The following SASH1 variants were observed in gnomAD, a reference collection of about 807,000 sequenced individuals.
The protein encoded by SASH1 is SAM and SH3 domain containing 1, also known as SAM and SH3 domain-containing protein 1.
In SASH1, 44 loss-of-function variants were observed where a neutral mutation model predicts 125.2. That is an observed-to-expected ratio of 0.35 (90% confidence interval 0.28 to 0.45). The LOEUF is 0.45. Among genes scored for constraint, SASH1 ranks in the 20% least tolerant of loss-of-function variants. The probability of loss-of-function intolerance (pLI) is 1.00; values close to 1 mark genes in which losing one functional copy is unlikely to be tolerated. For missense variants in SASH1, 1,426 were observed against 1,614.5 expected (o/e 0.88, Z 2.00); for synonymous variants, 639 against 649.1 (o/e 0.98, Z 0.24).
upstream of SASH1, among the ~76,000 whole-genome samples, chr6:148,271,158 C>T (rs1187921644): frequency 6.6e-6 from 1 of 152,102 alleles, no homozygotes; most frequent in Non-Finnish European, 1.5e-5. Context: ...GATCCACCTG[C>T]CTTGGCTTCC....
At chr6:148,315,540 T>A (rs1311189328) in intron 1 of SASH1, among the ~76,000 whole-genome samples, 1 of 152,196 alleles carries the variant, frequency 6.6e-6, no homozygotes. Flanking sequence ...CAGTTTTATA[T>A]AAATTCAAAC....
chr6:148,346,474 G>T lies in SASH1; in HGVS notation c.156+3251G>T, dbSNP rs114961023. Among the ~76,000 whole-genome samples the T allele has an allele frequency of 6.1e-3, 789 of 128,790 alleles. 9 individuals are homozygous for T. The highest frequency in any genetic ancestry group is 0.023 in the African/African-American group (740 of 32,610). 84.5% of individuals were successfully genotyped at this position (128,790 alleles called of 152,430 possible). Reference sequence around the variant, plus strand: ...TATATAAATGGATATAGAATTAAGAGAAAACAAGCTTGCAAAAAAAAAAAA... The same window carrying T: ...TATATAAATGGATATAGAATTAAGATAAAACAAGCTTGCAAAAAAAAAAAA... On this transcript the variant is annotated intron_variant, in intron 1 of 19. Transcript: ENST00000367467.
chr6:148,392,868 T>A (rs1783786330), intron 2 of SASH1, among the ~76,000 whole-genome samples: 1 of 152,156 alleles, frequency 6.6e-6, no homozygotes, highest in Admixed American at 6.5e-5. Context: ...CTGGGGTTAT[T>A]TCCTCCTTTT....
chr6:148,196,142 T>C, the SASH1 span, among the ~76,000 whole-genome samples: 1 of 152,230 alleles, frequency 6.6e-6, no homozygotes, highest in African/African-American at 2.4e-5. Context: ...TTTTTTGCTC[T>C]TAGTGCATCT....
At chr6:148,332,900 TC>T (rs1323898324) in intron 1 of SASH1, among the ~76,000 whole-genome samples, 1 of 152,028 alleles carries the variant, frequency 6.6e-6, no homozygotes, top group Non-Finnish European at 1.5e-5. Context: ...GGCAGGAGAA[TC>T]CCTTGAACCC....
chr6:148,357,385 A>G (rs1376832505), intron 1 of SASH1, among the ~76,000 whole-genome samples: 1 of 152,214 alleles, frequency 6.6e-6, no homozygotes, highest in Non-Finnish European at 1.5e-5. Flanking sequence ...CAGGTAAAAT[A>G]CTGAGCTTAT....
chr6:148,459,349 T>C (rs1170072718), intron 4 of SASH1, among the ~76,000 whole-genome samples: 2 of 152,188 alleles, frequency 1.3e-5, no homozygotes, highest in Admixed American at 1.3e-4. Context: ...ACTTGGATAG[T>C]CCTGGCCTTA....
the SASH1 span, among the ~76,000 whole-genome samples, chr6:148,208,123 C>T: frequency 6.6e-6 from 1 of 152,190 alleles, no homozygotes. Context: ...CCAGCCTCTT[C>T]TGGGAGACCA....
chr6:148,415,564 G>A (rs1240746938), intron 2 of SASH1, among the ~76,000 whole-genome samples: 3 of 152,208 alleles, frequency 2.0e-5, no homozygotes. Flanking sequence ...GTTTGACTAA[G>A]TAACTTGGTA....
rs35856337 is a variant in SASH1 at position 148,408,140 on chromosome 6, C to CTTT, written c.285+17896_285+17898dup. On this transcript the variant is annotated intron_variant, in intron 2 of 19. Transcript: ENST00000367467. ...ATGTTAGTGATGTTGGGCATCTTTC[C>CTTT]TTTTTTTTTTTTTTTTTTTTGAGAC... Among the ~76,000 whole-genome samples, 204 of 119,222 alleles carry CTTT rather than the reference C, an allele frequency of 1.7e-3. 5 individuals carry two copies. The highest frequency in any genetic ancestry group is 4.6e-3 in the African/African-American group (142 of 31,122). 78.2% of individuals were successfully genotyped at this position (119,222 alleles called of 152,430 possible).
chr6:148,496,453 C>G (rs1779314418), intron 8 of SASH1, among the ~76,000 whole-genome samples: 1 of 152,154 alleles, frequency 6.6e-6, no homozygotes, highest in African/African-American at 2.4e-5. Context: ...AAAGAAGAAA[C>G]AAAACATAGC....
the SASH1 span, among the ~76,000 whole-genome samples, chr6:148,195,706 G>T: frequency 6.6e-6 from 1 of 152,188 alleles, no homozygotes; most frequent in Non-Finnish European, 1.5e-5. Flanking sequence ...GGAGCTGGTG[G>T]CAACTCATTA....
chr6:148,513,265 A>G, intron 8 of SASH1: 1 of 985,324 alleles, frequency 1.0e-6, no homozygotes, highest in African/African-American at 1.7e-5. Context: ...CTGTTCCATG[A>G]ACTGGGTTGG....
At chr6:148,241,726 C>T in the SASH1 span, among the ~76,000 whole-genome samples, 1 of 152,194 alleles carries the variant, frequency 6.6e-6, no homozygotes, top group Non-Finnish European at 1.5e-5. Context: ...GTTCAAATCT[C>T]TGTTCTGACA....
intron 2 of SASH1, among the ~76,000 whole-genome samples, chr6:148,397,915 G>A (rs190139659): frequency 6.6e-6 from 1 of 152,298 alleles, no homozygotes; most frequent in African/African-American, 2.4e-5. Flanking sequence ...GGGGTGTGAG[G>A]CAAGTAACAT....
intron 1 of SASH1, among the ~76,000 whole-genome samples, chr6:148,330,821 G>A (rs1780974734): frequency 6.6e-6 from 1 of 152,078 alleles, no homozygotes; most frequent in East Asian, 1.9e-4. Flanking sequence ...CCTGACCTCA[G>A]GTGATCTGCC....
At chr6:148,236,636 A>G in the SASH1 span, among the ~76,000 whole-genome samples, 1 of 152,170 alleles carries the variant, frequency 6.6e-6, no homozygotes, top group Non-Finnish European at 1.5e-5. Flanking sequence ...TGGACTATGC[A>G]AGCTCCAAAC....
At chr6:148,233,657 G>A in the SASH1 span, among the ~76,000 whole-genome samples, 1 of 148,668 alleles carries the variant, frequency 6.7e-6, no homozygotes, top group Non-Finnish European at 1.5e-5. Context: ...CACTTTGGGA[G>A]GCCAAAGAGG....
chr6:148,511,101 T>A (rs1780096850), intron 8 of SASH1, among the ~76,000 whole-genome samples: 1 of 152,096 alleles, frequency 6.6e-6, no homozygotes, highest in Admixed American at 6.6e-5. Flanking sequence ...AGATTTACTC[T>A]CCAGTTTAGA....
Sources: allele counts gnomAD v4.1 joint callset (sites outside exome capture counted in the v4.1 genomes callset), GRCh38; gene constraint gnomAD v4.1.1; transcripts MANE v1.5; gene names NCBI Gene and HGNC (gene_info 2026-07-23, HGNC 2026-07-21).